The following DNM3 variants were observed in gnomAD, a reference collection of about 807,000 sequenced individuals.
DNM3 encodes the protein dynamin-3.
A neutral mutation model predicts 101.6 loss-of-function variants in DNM3; 47 were observed. The ratio of observed to expected loss-of-function variants is 0.46; its 90% CI spans 0.37 to 0.59. The LOEUF (loss-of-function observed/expected upper bound fraction) is 0.59. DNM3 is among the 20% of genes least tolerant of loss of function. The probability of loss-of-function intolerance (pLI) is 0.00; values close to 1 mark genes in which losing one functional copy is unlikely to be tolerated. For synonymous variants in DNM3, 385 were observed against 387.9 expected (o/e 0.99, Z 0.09); for missense variants, 849 against 1,085.7 (o/e 0.78, Z 3.06).
At chr1:172,133,253 T>C in intron 14 of DNM3, 1 of 1,084,668 alleles carries the variant, frequency 9.2e-7, no homozygotes, top group Non-Finnish European at 1.1e-6. Flanking sequence ...CTTTGAAGGC[T>C]TGGTGAGCTC....
At chr1:172,088,033 A>G (rs73039336) in intron 12 of DNM3, among the ~76,000 whole-genome samples, 1,756 of 152,346 alleles carry the variant, frequency 0.012, 28 homozygotes, top group African/African-American at 0.039. Flanking sequence ...ACAGATGATC[A>G]TTGATAGTCT....
At chr1:172,161,037 G>A (rs186907503) in intron 14 of DNM3, among the ~76,000 whole-genome samples, 1 of 151,954 alleles carries the variant, frequency 6.6e-6, no homozygotes, top group East Asian at 1.9e-4. Context: ...GAAACACACT[G>A]TGTAAATCAA....
At chr1:172,305,606 G>T (rs1034042849) in intron 15 of DNM3, among the ~76,000 whole-genome samples, 12 of 152,026 alleles carry the variant, frequency 7.9e-5, no homozygotes, top group Non-Finnish European at 1.0e-4. Flanking sequence ...AACAATATCC[G>T]TGATGAACAT....
At chr1:171,934,878 A>G (rs1419768730) in intron 2 of DNM3, among the ~76,000 whole-genome samples, 1 of 152,212 alleles carries the variant, frequency 6.6e-6, no homozygotes, top group Non-Finnish European at 1.5e-5. Context: ...CAGCATTATC[A>G]GCACTGCACA....
At chr1:172,209,547 C>T (rs2060440542) in intron 14 of DNM3, among the ~76,000 whole-genome samples, 1 of 152,020 alleles carries the variant, frequency 6.6e-6, no homozygotes, top group African/African-American at 2.4e-5. Context: ...TGACTGGTCT[C>T]TGAGGCCAGG....
At chr1:172,407,328 A>T (rs1445885313) in intron 20 of DNM3, among the ~76,000 whole-genome samples, 1 of 152,090 alleles carries the variant, frequency 6.6e-6, no homozygotes, top group African/African-American at 2.4e-5. Context: ...GGAGAAAGTC[A>T]AAAAGGCAAT....
At chr1:172,127,111 C>T (rs1446898111) in intron 13 of DNM3, among the ~76,000 whole-genome samples, 2 of 151,994 alleles carry the variant, frequency 1.3e-5, no homozygotes, top group African/African-American at 4.8e-5. Flanking sequence ...TACCTTCAAG[C>T]CTCCCTTCCA....
chr1:172,185,306 C>T (rs948096133), intron 14 of DNM3, among the ~76,000 whole-genome samples: 2 of 152,064 alleles, frequency 1.3e-5, no homozygotes, highest in South Asian at 2.1e-4. Flanking sequence ...TACATTTGTT[C>T]CAATTTTATT....
intron 13 of DNM3, among the ~76,000 whole-genome samples, chr1:172,097,161 G>A (rs2054299876): frequency 6.6e-6 from 1 of 152,052 alleles, no homozygotes; most frequent in Admixed American, 6.6e-5. Context: ...CAGCACTTTG[G>A]GAGGCCGAGG....
At chr1:172,258,502 A>G (rs780598096) in intron 15 of DNM3, among the ~76,000 whole-genome samples, 9 of 151,888 alleles carry the variant, frequency 5.9e-5, no homozygotes, top group South Asian at 2.1e-4. Flanking sequence ...CGTAGGTTGT[A>G]TTGTCCAGGA....
At chr1:172,160,060 GATAAAAAAAA>G (rs2058489953) in intron 14 of DNM3, among the ~76,000 whole-genome samples, 1 of 131,246 alleles carries the variant, frequency 7.6e-6, no homozygotes, top group Non-Finnish European at 1.6e-5. Flanking sequence ...CAGCATAAAA[GATAAAAAAAA>G]AAAAAAAGGT....
intron 8 of DNM3, 125 bp downstream of exon 8, chr1:172,042,269 T>G (rs1194792956): frequency 1.1e-6 from 1 of 888,148 alleles, no homozygotes; most frequent in East Asian, 3.1e-5. Flanking sequence ...AACCTCCATA[T>G]TCAGGTAATG....
At chr1:172,209,419 G>A (rs868856654) in intron 14 of DNM3, among the ~76,000 whole-genome samples, 1 of 151,942 alleles carries the variant, frequency 6.6e-6, no homozygotes, top group Non-Finnish European at 1.5e-5. Context: ...CACCAAGGGT[G>A]AATATTGATC....
chr1:172,315,601 C>G (rs1032080202), intron 16 of DNM3, among the ~76,000 whole-genome samples: 1 of 152,088 alleles, frequency 6.6e-6, no homozygotes, highest in African/African-American at 2.4e-5. Flanking sequence ...GCAGAAGCCT[C>G]AAGAACCAAT....
Position 172,012,829 on chromosome 1 carries a change from A to C in DNM3, c.590-19573A>C, listed in dbSNP as rs182615495. Among the ~76,000 whole-genome samples, 160 of 152,174 alleles carry C rather than the reference A, an allele frequency of 1.1e-3. 4 individuals are homozygous for C. In the South Asian group the frequency reaches 0.023, roughly 22 times the overall value. On this transcript the variant is annotated intron_variant, in intron 4 of 20. Coordinates refer to ENST00000627582, the MANE Select transcript of DNM3 (RefSeq NM_015569.5). ...CAGTAATATTACCTGATGATTTTTA[A>C]AATAAAAACTGGGTTATTCAGAATT...
intron 12 of DNM3, among the ~76,000 whole-genome samples, chr1:172,085,829 C>T (rs2053491793): frequency 6.6e-6 from 1 of 152,086 alleles, no homozygotes; most frequent in Non-Finnish European, 1.5e-5. Flanking sequence ...TTTATTTTTC[C>T]CTAATGCATA....
intron 14 of DNM3, among the ~76,000 whole-genome samples, chr1:172,173,186 G>T (rs1208415884): frequency 6.6e-6 from 1 of 151,744 alleles, no homozygotes; most frequent in Admixed American, 6.6e-5. Flanking sequence ...TAGAACTAAG[G>T]CACTGACGGT....
chr1:172,000,741 A>G (rs1236260951), intron 4 of DNM3, among the ~76,000 whole-genome samples: 2 of 152,024 alleles, frequency 1.3e-5, no homozygotes, highest in Non-Finnish European at 2.9e-5. Context: ...TGACCTTGAT[A>G]AGAAGGGTTT....
At chr1:171,951,539 G>A (rs1213088375) in intron 2 of DNM3, among the ~76,000 whole-genome samples, 1 of 152,120 alleles carries the variant, frequency 6.6e-6, no homozygotes, top group African/African-American at 2.4e-5. Flanking sequence ...TGGTCAATGA[G>A]CATCTTGAGA....
Sources: gnomAD v4.1 joint callset for allele counts (sites outside exome capture counted in the v4.1 genomes callset) on GRCh38, gnomAD v4.1.1 for gene constraint, MANE v1.5 for transcripts, NCBI Gene and HGNC (gene_info 2026-07-23, HGNC 2026-07-21) for gene names.